The following TOX variants were observed in gnomAD, a reference collection of about 807,000 sequenced individuals.
TOX encodes the protein thymocyte selection associated high mobility group box, also known as thymocyte selection-associated high mobility group box protein TOX.
Under a neutral mutation model 53.7 loss-of-function variants are expected in TOX, and 11 were observed. That is an observed-to-expected ratio of 0.20 (90% CI 0.13 to 0.34). The LOEUF (loss-of-function observed/expected upper bound fraction) is 0.34. TOX is among the 10% of genes least tolerant of loss of function. The pLI is 1.00. For synonymous variants in TOX, 225 were observed against 245.3 expected, an observed-to-expected ratio of 0.92 and a Z score of 0.77; for missense variants, 570 against 664.6, an observed-to-expected ratio of 0.86 and a Z score of 1.56.
intron 1 of TOX, among the ~76,000 whole-genome samples, chr8:59,046,754 A>T (rs1803689712): frequency 6.9e-6 from 1 of 144,386 alleles, no homozygotes; most frequent in Admixed American, 7.2e-5. Flanking sequence ...GCTACTTGGG[A>T]GGCTGAGGCA....
chr8:59,019,115 C>T (rs1037323589), intron 1 of TOX, among the ~76,000 whole-genome samples: 3 of 151,922 alleles, frequency 2.0e-5, no homozygotes, highest in African/African-American at 7.3e-5. Context: ...ATTTTCTCAC[C>T]AGGATACATC....
At chr8:58,927,664 C>T (rs866264832) in intron 3 of TOX, among the ~76,000 whole-genome samples, 22 of 152,256 alleles carry the variant, frequency 1.4e-4, no homozygotes, top group South Asian at 2.1e-4. Flanking sequence ...TACACAGATA[C>T]CAGTAATGAG....
At chr8:58,892,245 T>G (rs1264222526) in intron 3 of TOX, among the ~76,000 whole-genome samples, 1 of 152,044 alleles carries the variant, frequency 6.6e-6, no homozygotes, top group East Asian at 1.9e-4. Context: ...GCAAAAACAA[T>G]GATGGATTCC....
At chr8:58,910,906 G>C (rs750432127) in intron 3 of TOX, among the ~76,000 whole-genome samples, 1 of 152,212 alleles carries the variant, frequency 6.6e-6, no homozygotes, top group Non-Finnish European at 1.5e-5. Flanking sequence ...AATGAGGCTA[G>C]AGATCTGAGC....
intron 1 of TOX, among the ~76,000 whole-genome samples, chr8:59,043,112 G>A (rs1463137328): frequency 3.3e-5 from 5 of 151,714 alleles, no homozygotes; most frequent in Admixed American, 1.3e-4. Flanking sequence ...CCCAGCCTCC[G>A]GTAATCACCT....
intron 1 of TOX, among the ~76,000 whole-genome samples, chr8:59,070,375 T>C (rs968391172): frequency 6.6e-6 from 1 of 151,996 alleles, no homozygotes; most frequent in African/African-American, 2.4e-5. Flanking sequence ...CCTGGGAACA[T>C]GCAAACCTCT....
intron 1 of TOX, among the ~76,000 whole-genome samples, chr8:59,032,975 A>T (rs888926903): frequency 2.6e-5 from 4 of 151,516 alleles, no homozygotes; most frequent in African/African-American, 7.3e-5. Context: ...AGATTGTTGC[A>T]GTGAGCCAAG....
chr8:59,102,209 C>T (rs1389472200), intron 1 of TOX, among the ~76,000 whole-genome samples: 1 of 151,234 alleles, frequency 6.6e-6, no homozygotes, highest in Non-Finnish European at 1.5e-5. Context: ...AGAGCTTGTA[C>T]AGAAAAACTC....
intron 3 of TOX, among the ~76,000 whole-genome samples, chr8:58,861,793 A>AT (rs1431592085): frequency 6.6e-6 from 1 of 152,114 alleles, no homozygotes; most frequent in Non-Finnish European, 1.5e-5. Flanking sequence ...GCTTTCTCAT[A>AT]TTTTTCCACG....
intron 5 of TOX, among the ~76,000 whole-genome samples, chr8:58,828,035 C>T (rs1290541674): frequency 6.6e-6 from 1 of 152,132 alleles, no homozygotes. Context: ...AAAACAGACA[C>T]ACAGATCAGT....
intron 1 of TOX, among the ~76,000 whole-genome samples, chr8:58,965,905 T>G (rs995577601): frequency 1.4e-5 from 2 of 144,616 alleles, no homozygotes; most frequent in South Asian, 2.3e-4. Context: ...TTTTTTTTTT[T>G]TTTTTTTTTT....
chr8:58,833,696 G>C (rs1014988052), intron 5 of TOX, among the ~76,000 whole-genome samples: 2 of 152,274 alleles, frequency 1.3e-5, no homozygotes, highest in Admixed American at 1.3e-4. Flanking sequence ...AAACAACTTA[G>C]TATGCTTCTG....
chr8:59,000,817 T>C (rs1409658707), intron 1 of TOX, among the ~76,000 whole-genome samples: 21 of 152,150 alleles, frequency 1.4e-4, no homozygotes, highest in Admixed American at 1.3e-3. Flanking sequence ...TGCAAATGAA[T>C]CTTCTGTCAC....
intron 1 of TOX, among the ~76,000 whole-genome samples, chr8:59,070,506 A>AAAACACAC (rs1804176467): frequency 7.1e-6 from 1 of 140,112 alleles, no homozygotes; most frequent in Non-Finnish European, 1.5e-5. Context: ...TGTCAAGGAA[A>AAAACACAC]ACACACACAC....
chr8:59,062,113 CA>C (rs1339082168), intron 1 of TOX, among the ~76,000 whole-genome samples: 3 of 152,074 alleles, frequency 2.0e-5, no homozygotes, highest in Non-Finnish European at 4.4e-5. Context: ...TTAACAGAAC[CA>C]AAGTTTTTTA....
intron 3 of TOX, among the ~76,000 whole-genome samples, chr8:58,938,168 T>G (rs1812378447): frequency 6.6e-6 from 1 of 152,186 alleles, no homozygotes; most frequent in East Asian, 1.9e-4. Context: ...CTAAAGAAAC[T>G]ACTTTGGAGT....
At chr8:59,090,100 T>G (rs1279271579) in intron 1 of TOX, among the ~76,000 whole-genome samples, 1 of 152,222 alleles carries the variant, frequency 6.6e-6, no homozygotes, top group African/African-American at 2.4e-5. Context: ...GTTAAAGAAG[T>G]GACAATATTG....
chr8:59,001,949 C>T (rs901288984), intron 1 of TOX, among the ~76,000 whole-genome samples: 5 of 145,558 alleles, frequency 3.4e-5, no homozygotes, highest in African/African-American at 1.3e-4. Context: ...GACAATGGCA[C>T]AATTTAAAAT....
In TOX at chr8:59,082,511, A is replaced by T. The variant is rs114428157; in HGVS notation, c.102+36375T>A. On this transcript the variant is annotated intron_variant, in intron 1 of 8. Coordinates refer to ENST00000361421, the MANE Select transcript of TOX (RefSeq NM_014729.3). Reference sequence around the variant, plus strand: ...TATGAATTTTAATTAATCAATGCCCATATGTCCTTTACATCTCTACGTATG... The same window carrying T: ...TATGAATTTTAATTAATCAATGCCCTTATGTCCTTTACATCTCTACGTATG... Among the ~76,000 whole-genome samples, 176 of 152,382 alleles carry T rather than the reference A, an allele frequency of 1.2e-3. 1 individual carries two copies. The highest frequency in any genetic ancestry group is 4.0e-3 in the African/African-American group (166 of 41,598).
Sources: allele counts gnomAD v4.1 joint callset (sites outside exome capture counted in the v4.1 genomes callset), GRCh38; gene constraint gnomAD v4.1.1; transcripts MANE v1.5; gene names NCBI Gene and HGNC (gene_info 2026-07-23, HGNC 2026-07-21).